Variants in TSPEAR observed in about 807,000 individuals in gnomAD.
TSPEAR encodes the protein thrombospondin-type laminin G domain and EAR repeat-containing protein.
TSPEAR carries 69 observed loss-of-function variants against 71.6 expected under a neutral mutation model. That is an observed-to-expected ratio of 0.96 (90% CI 0.79 to 1.18). The LOEUF is 1.18. Among genes scored for constraint, TSPEAR ranks in the 50% most tolerant of loss-of-function variants. The pLI is 0.00. For missense variants in TSPEAR, 971 were observed against 894.9 expected (o/e 1.09, Z -1.09); for synonymous variants, 402 against 387.2 (o/e 1.04, Z -0.45).
intron 1 of TSPEAR, among the ~76,000 whole-genome samples, chr21:44,636,418 CTT>C (rs1983572628): frequency 6.6e-6 from 1 of 152,214 alleles, no homozygotes; most frequent in African/African-American, 2.4e-5. Flanking sequence ...GGTGCAGTGA[CTT>C]TGTCTCTCAT....
chr21:44,627,321 G>A (rs782478571), intron 1 of TSPEAR: 141 of 1,612,874 alleles, frequency 8.7e-5, no homozygotes, highest in Non-Finnish European at 1.2e-4. Flanking sequence ...GCACCCCAGT[G>A]AGCCGTGTAT....
At chr21:44,621,973 C>CA (rs1982467443) in intron 1 of TSPEAR, among the ~76,000 whole-genome samples, 2 of 152,152 alleles carry the variant, frequency 1.3e-5, no homozygotes. Context: ...CAGCCACTGA[C>CA]ATTTTTTTTG....
chr21:44,689,959 G>T (rs892744199), intron 1 of TSPEAR, among the ~76,000 whole-genome samples: 2 of 151,560 alleles, frequency 1.3e-5, no homozygotes, highest in African/African-American at 2.4e-5. Flanking sequence ...CTTTATATTC[G>T]CTGGCAGCTG....
chr21:44,654,257 G>GTT, intron 1 of TSPEAR: 1 of 1,600,144 alleles, frequency 6.2e-7, no homozygotes, highest in Non-Finnish European at 8.6e-7. Flanking sequence ...ACCTACGAGG[G>GTT]TCATAGGAGG....
At chr21:44,707,634 A>G (rs1107121) in intron 1 of TSPEAR, among the ~76,000 whole-genome samples, 47,269 of 151,880 alleles carry the variant, frequency 0.31, 7,663 homozygotes, top group African/African-American at 0.34. Context: ...AATTTTATAA[A>G]AGGAAAGGCG....
intron 1 of TSPEAR, chr21:44,666,911 G>A (rs1555944998): frequency 1.6e-5 from 25 of 1,605,250 alleles, no homozygotes; most frequent in Admixed American, 3.4e-5. Flanking sequence ...GGATAAGGTC[G>A]AGGCAGAGGG....
chr21:44,543,478 C>A (rs2053253997), intron 2 of TSPEAR, among the ~76,000 whole-genome samples: 1 of 152,078 alleles, frequency 6.6e-6, no homozygotes, highest in Non-Finnish European at 1.5e-5. Flanking sequence ...TAGTACTTGG[C>A]CGAATCATTC....
intron 11 of TSPEAR, among the ~76,000 whole-genome samples, chr21:44,503,255 CAGTGTG>C (rs1555911384): frequency 1.4e-3 from 176 of 125,298 alleles, no homozygotes; most frequent in African/African-American, 5.0e-3. Flanking sequence ...CGGGGGGAAG[CAGTGTG>C]CTGGGAGGAA....
At chr21:44,684,380 A>T (rs1001446250) in intron 1 of TSPEAR, among the ~76,000 whole-genome samples, 1 of 152,154 alleles carries the variant, frequency 6.6e-6, no homozygotes, top group Non-Finnish European at 1.5e-5. Flanking sequence ...CAGAAAATTT[A>T]AAAATTAGCT....
intron 1 of TSPEAR, among the ~76,000 whole-genome samples, chr21:44,626,811 GCACATCCCACC>G (rs1373738896): frequency 9.9e-5 from 15 of 152,070 alleles, no homozygotes; most frequent in Non-Finnish European, 1.2e-4. Context: ...ATGGCCCCAG[GCACATCCCACC>G]CACATCCCAC....
chr21:44,511,944 A>G (rs1490842297), intron 9 of TSPEAR, among the ~76,000 whole-genome samples: 1 of 152,238 alleles, frequency 6.6e-6, no homozygotes. Context: ...TCCCTGCCCA[A>G]AGGAGCCCTG....
intron 1 of TSPEAR, chr21:44,638,069 C>T (rs782723435): frequency 4.3e-6 from 7 of 1,613,156 alleles, no homozygotes; most frequent in Non-Finnish European, 5.1e-6. Context: ...CTCCTGCCAG[C>T]CCAGCTGCTG....
At chr21:44,507,818 C>G (rs1448115987) in intron 10 of TSPEAR, among the ~76,000 whole-genome samples, 3 of 152,228 alleles carry the variant, frequency 2.0e-5, no homozygotes, top group Non-Finnish European at 4.4e-5. Context: ...GTGCTGGGGA[C>G]ACACAACTGC....
At chr21:44,503,811 G>C (rs1297764377) in intron 11 of TSPEAR, among the ~76,000 whole-genome samples, 3 of 143,912 alleles carry the variant, frequency 2.1e-5, no homozygotes, top group Admixed American at 2.0e-4. Context: ...TGAGCCCTCG[G>C]GGGGAAGCAA....
intron 11 of TSPEAR, among the ~76,000 whole-genome samples, chr21:44,502,558 T>C (rs2052053756): frequency 6.6e-6 from 1 of 152,228 alleles, no homozygotes. Context: ...ACAGTGTCTA[T>C]GAGAGAAAAA....
rs587621885 is a variant in TSPEAR at position 44,590,181 on chromosome 21, G to A, written c.83-22176C>T. ...GGTCGCCTCTGGCGTTGACATGCAA[G>A]GGTCATTTGCTGGGGCAGGAGGCAG... On this transcript the variant is annotated intron_variant, in intron 1 of 11. Transcript: ENST00000323084. 2.6e-5 allele frequency among the ~76,000 whole-genome samples: 4 copies of A among 152,366 alleles called. No homozygotes were observed. In the East Asian group the frequency reaches 7.7e-4, roughly 29 times the overall value.
At chr21:44,624,607 T>C (rs1982649918) in intron 1 of TSPEAR, among the ~76,000 whole-genome samples, 1 of 152,242 alleles carries the variant, frequency 6.6e-6, no homozygotes, top group Non-Finnish European at 1.5e-5. Flanking sequence ...GCTTCATTCT[T>C]CTTTCCGTTT....
At chr21:44,533,649 G>T (rs782415051) in intron 3 of TSPEAR, 36 bp downstream of exon 3, 2 of 1,543,898 alleles carry the variant, frequency 1.3e-6, no homozygotes, top group Non-Finnish European at 1.8e-6. Context: ...AGGACTCTGA[G>T]GACTGCAGGT....
At position 44,642,477 on chromosome 21, in the gene TSPEAR, T is replaced by G. The variant is rs1555938715; in HGVS notation, c.82+68956A>C. On this transcript the variant is annotated intron_variant, in intron 1 of 11. Transcript: ENST00000323084. This position sits in a 1 kb window ranked among gnomAD's most constrained non-coding sequence, Gnocchi z 4.1. ...TAAAAAAATAATGTAAGAGATTGTA[T>G]GAACCTACAATAACAGAAAACTAAG... 1.3e-5 allele frequency among the ~76,000 whole-genome samples: 2 copies of G among 152,172 alleles called. No homozygotes were observed. The highest frequency in any genetic ancestry group is 4.8e-5 in the African/African-American group (2 of 41,436).
Sources: gnomAD v4.1 joint callset for allele counts (sites outside exome capture counted in the v4.1 genomes callset) on GRCh38, gnomAD v4.1.1 for gene constraint, Gnocchi (gnomAD v3.1) non-coding constraint, MANE v1.5 for transcripts, NCBI Gene and HGNC (gene_info 2026-07-23, HGNC 2026-07-21) for gene names.